Variants in IGSF11 observed in about 807,000 individuals in gnomAD.
The protein encoded by IGSF11 is immunoglobulin superfamily member 11.
In IGSF11, 22 loss-of-function variants were observed where a neutral mutation model predicts 41.0. The observed-to-expected ratio is 0.54, with a 90% CI of 0.38 to 0.77. The LOEUF (loss-of-function observed/expected upper bound fraction) is 0.77, where lower values mean the gene tolerates loss of function less well. Ranked by LOEUF, IGSF11 falls within the 30% of genes least tolerant of loss-of-function variation. The pLI, the probability that IGSF11 is intolerant of heterozygous loss-of-function variation, is 0.00. For synonymous variants in IGSF11, 219 were observed against 201.3 expected, an observed-to-expected ratio of 1.09 and a Z score of -0.74; for missense variants, 444 against 530.8, an observed-to-expected ratio of 0.84 and a Z score of 1.61.
chr3:118,936,077 TG>T (rs1336166622), intron 1 of IGSF11, among the ~76,000 whole-genome samples: 5 of 152,284 alleles, frequency 3.3e-5, no homozygotes, highest in Admixed American at 3.3e-4. Flanking sequence ...GGGAAATGGG[TG>T]TTTTTTTGCA....
At chr3:119,026,983 T>C (rs1939890137) in intron 1 of IGSF11, among the ~76,000 whole-genome samples, 2 of 152,182 alleles carry the variant, frequency 1.3e-5, no homozygotes, top group Non-Finnish European at 2.9e-5. Context: ...TTGGAAAACT[T>C]GTATCTGACA....
At chr3:118,939,549 C>T (rs1476081272) in intron 1 of IGSF11, among the ~76,000 whole-genome samples, 3 of 149,244 alleles carry the variant, frequency 2.0e-5, no homozygotes, top group Middle Eastern at 3.4e-3. Flanking sequence ...GCACTCTAGC[C>T]TGGGTGACAG....
At chr3:118,909,488 C>G (rs769450251) in intron 4 of IGSF11, among the ~76,000 whole-genome samples, 3 of 152,088 alleles carry the variant, frequency 2.0e-5, no homozygotes, top group Admixed American at 2.0e-4. Context: ...GATGACATCA[C>G]AAATACTTAA....
At chr3:119,049,724 C>T (rs1375112312) in intron 1 of IGSF11, among the ~76,000 whole-genome samples, 1 of 152,102 alleles carries the variant, frequency 6.6e-6, no homozygotes, top group Non-Finnish European at 1.5e-5. Context: ...AAGCTGGAGG[C>T]ATCACACTAC....
intron 1 of IGSF11, among the ~76,000 whole-genome samples, chr3:119,138,792 C>T (rs1329856323): frequency 2.0e-5 from 3 of 152,062 alleles, no homozygotes; most frequent in Non-Finnish European, 4.4e-5. Context: ...CACATGTTCT[C>T]GCTTATTTGT....
rs192750941 is a variant in IGSF11 at position 119,070,274 on chromosome 3, C to A, written c.49+34870G>T. ...AAACAAAAATAAACGAATCTTCAACCAAAAGGGCTTACCACTTTTCCTGGG... is the reference window on the plus strand; with the variant it reads ...AAACAAAAATAAACGAATCTTCAACAAAAAGGGCTTACCACTTTTCCTGGG... On this transcript the variant is annotated intron_variant, in intron 1 of 6. Transcript: ENST00000354673. Among the ~76,000 whole-genome samples, 68 of 152,286 alleles carry A rather than the reference C, an allele frequency of 4.5e-4. No individual in the cohort carries two copies. In the East Asian group the frequency reaches 9.8e-3, roughly 22 times the overall value.
At chr3:119,138,439 C>A (rs2077593462) in intron 1 of IGSF11, among the ~76,000 whole-genome samples, 1 of 152,332 alleles carries the variant, frequency 6.6e-6, no homozygotes, top group African/African-American at 2.4e-5. Flanking sequence ...AATCCTAACA[C>A]TTTGGGAGGC....
chr3:119,018,606 G>T (rs1005623313), intron 1 of IGSF11, among the ~76,000 whole-genome samples: 1 of 152,102 alleles, frequency 6.6e-6, no homozygotes, highest in Non-Finnish European at 1.5e-5. Context: ...AATTCATTCT[G>T]CTCTACAACT....
intron 1 of IGSF11, among the ~76,000 whole-genome samples, chr3:119,110,933 G>C (rs1357523965): frequency 2.7e-4 from 41 of 151,838 alleles, no homozygotes; most frequent in Non-Finnish European, 3.4e-4. Context: ...CTCTCTTCTG[G>C]CTTGTAGAGT....
intron 4 of IGSF11, among the ~76,000 whole-genome samples, chr3:118,908,454 C>A (rs985420908): frequency 6.6e-6 from 1 of 152,200 alleles, no homozygotes; most frequent in African/African-American, 2.4e-5. Flanking sequence ...GAGAGCAACT[C>A]CAGCAAACAG....
chr3:118,976,672 C>G (rs1934146378), intron 1 of IGSF11, among the ~76,000 whole-genome samples: 1 of 152,136 alleles, frequency 6.6e-6, no homozygotes, highest in South Asian at 2.1e-4. Flanking sequence ...AATAGGCAAC[C>G]CTTCTTCCCC....
chr3:118,990,451 T>C (rs1394409960), intron 1 of IGSF11, among the ~76,000 whole-genome samples: 1 of 152,202 alleles, frequency 6.6e-6, no homozygotes, highest in African/African-American at 2.4e-5. Context: ...TTAAGTGTCC[T>C]GATGTTATGA....
At chr3:119,110,216 T>G (rs2077124521), upstream of IGSF11, among the ~76,000 whole-genome samples, 1 of 152,104 alleles carries the variant, frequency 6.6e-6, no homozygotes, top group Admixed American at 6.6e-5. Flanking sequence ...TATTATTGTG[T>G]GGGAGTCTAA....
At chr3:118,981,168 ATTTTATTTTAT>A (rs1179589168) in intron 1 of IGSF11, among the ~76,000 whole-genome samples, 1 of 151,842 alleles carries the variant, frequency 6.6e-6, no homozygotes, top group African/African-American at 2.4e-5. Context: ...CATCCATTTT[ATTTTATTTTAT>A]TTTTATTTTG....
At position 119,050,843 on chromosome 3, in the gene IGSF11, G is replaced by A. The variant is rs59492847; in HGVS notation, c.49+54301C>T. ...AAAAAATGATGACTTCATGTCCTTT[G>A]TAGGGACATGGATGAAATTGGAAAT... is the stretch of plus-strand genomic sequence containing the variant. On this transcript the variant is annotated intron_variant, in intron 1 of 6. Transcript: ENST00000354673. Among the ~76,000 whole-genome samples the A allele has an allele frequency of 2.7e-3, 414 of 152,054 alleles. 1 individual carries two copies. The highest frequency in any genetic ancestry group is 9.7e-3 in the African/African-American group (401 of 41,428).
rs377746200 is a variant in IGSF11, at chr3:119,097,957, A to ATTTTTTT, written c.49+7180_49+7186dup. ...AGGCACATGCCACCACATTCAGCTA[A>ATTTTTTT]TTTTTTTTTTTTTTTTTTTTTTTTT... On this transcript the variant is annotated intron_variant, in intron 1 of 6. Transcript: ENST00000354673. 3.8e-4 allele frequency among the ~76,000 whole-genome samples: 22 copies of ATTTTTTT among 58,364 alleles called. 4 individuals carry two copies. Among genetic ancestry groups the ATTTTTTT allele is most frequent in the African/African-American group, 4.6e-4 (8 of 17,538 alleles). 38.3% of individuals were successfully genotyped at this position (58,364 alleles called of 152,430 possible).
intron 1 of IGSF11, among the ~76,000 whole-genome samples, chr3:119,046,935 C>G (rs1229116237): frequency 6.8e-6 from 1 of 146,152 alleles, no homozygotes; most frequent in Non-Finnish European, 1.5e-5. Context: ...ACTTTACAGA[C>G]AAGCAAATGC....
intron 1 of IGSF11, among the ~76,000 whole-genome samples, chr3:119,091,993 TGGG>T (rs56210576): frequency 2.7e-4 from 35 of 129,292 alleles, no homozygotes; most frequent in Admixed American, 1.2e-3. Flanking sequence ...TTGGTTTTTT[TGGG>T]GGGGGGGGGT....
rs139219767 is a variant in IGSF11 at position 119,059,311 on chromosome 3, A to T, written c.49+45833T>A. On this transcript the variant is annotated intron_variant, in intron 1 of 6. Transcript: ENST00000354673. ...ATTATTCTATGTGAAGTAACTGAGGAATGTAAAACCAAACATTGTATGTTC... is the reference window on the plus strand; with the variant it reads ...ATTATTCTATGTGAAGTAACTGAGGTATGTAAAACCAAACATTGTATGTTC... 5.2e-3 allele frequency among the ~76,000 whole-genome samples: 793 copies of T among 152,250 alleles called. 13 individuals are homozygous for T. The highest frequency in any genetic ancestry group is 0.018 in the African/African-American group (762 of 41,538).
Sources: gnomAD v4.1 joint callset for allele counts (sites outside exome capture counted in the v4.1 genomes callset) on GRCh38, gnomAD v4.1.1 for gene constraint, MANE v1.5 for transcripts, NCBI Gene and HGNC (gene_info 2026-07-23, HGNC 2026-07-21) for gene names.